Variants in NUDT9 observed in about 807,000 individuals in gnomAD.
The protein encoded by NUDT9 is ADP-ribose pyrophosphatase.
In NUDT9, 31 loss-of-function variants were observed where a neutral mutation model predicts 41.0. The observed-to-expected ratio is 0.76, with a 90% CI of 0.57 to 1.02. NUDT9 has a LOEUF of 1.02. NUDT9 is among the 50% of genes least tolerant of loss of function. The probability of loss-of-function intolerance (pLI) is 0.00; values close to 1 mark genes in which losing one functional copy is unlikely to be tolerated. For synonymous variants in NUDT9, 146 were observed against 147.6 expected, an observed-to-expected ratio of 0.99 and a Z score of 0.08; for missense variants, 380 against 431.4, an observed-to-expected ratio of 0.88 and a Z score of 1.06.
chr4:87,431,198 T>TGCC (rs1458110936), intron 1 of NUDT9, among the ~76,000 whole-genome samples: 2 of 152,242 alleles, frequency 1.3e-5, no homozygotes, highest in African/African-American at 4.8e-5. Context: ...TTGAAAAGAC[T>TGCC]GCCCTTTCCC....
chr4:87,422,625 G>C lies in NUDT9; in HGVS notation c.-281G>C, dbSNP rs972168315. 1 of 327,100 alleles carries C rather than the reference G, an allele frequency of 3.1e-6. No homozygotes were observed. The allele number at this position is 327,100 out of a possible 1,614,324, so 20.3% of individuals were successfully genotyped here. ...CAGAGAGAAAGTTACGAGGTTCGTG[G>C]CCGCGGTTTCCCCAGGCAGCTGGCG... On this transcript the variant is annotated 5_prime_UTR_variant, in exon 1 of 8. Transcript: ENST00000302174.
At chr4:87,451,834 TG>T in intron 6 of NUDT9, 99 bp downstream of exon 6, 3 of 922,290 alleles carry the variant, frequency 3.3e-6, no homozygotes, top group Non-Finnish European at 4.9e-6. Context: ...CTAAATAAAG[TG>T]GAATACTTGT....
rs1477941409 is a variant in NUDT9, at chr4:87,422,856, G to A, written c.-50G>A. The stretch of plus-strand genomic sequence containing the variant: ...GAGCTGTGGGGTGTGGGGAGGCGGA[G>A]GCACCAACTAAGAGCGACCTAGCAT... On this transcript the variant is annotated 5_prime_UTR_variant, in exon 1 of 8. Transcript: ENST00000302174. 2.1e-6 allele frequency: 3 copies of A among 1,449,030 alleles called. No homozygotes were observed. Among genetic ancestry groups the A allele is most frequent in the Non-Finnish European group, 1.9e-6 (2 of 1,048,648 alleles). 89.8% of individuals were successfully genotyped at this position (1,449,030 alleles called of 1,614,324 possible).
In NUDT9 at chr4:87,422,944, G is replaced by T; in HGVS notation, c.39G>T (p.Val13=). 1 of 1,612,596 alleles carries T rather than the reference G, an allele frequency of 6.2e-7. No individual in the cohort carries two copies. ...GRLLGKALAA[V]SLSLALASVT... ...TCCTGGGAAAGGCTTTAGCCGCGGT[G>T]TCTCTCTCTCTGGCCTTGGCCTCTG... is the stretch of plus-strand genomic sequence containing the variant. Residue 13 remains valine, a synonymous_variant, in exon 1 of 8, where the codon GTG becomes GTT. Coordinates refer to ENST00000302174, the MANE Select transcript of NUDT9 (RefSeq NM_024047.5).
chr4:87,422,667 C>T lies in NUDT9; in HGVS notation c.-239C>T. On this transcript the variant is annotated 5_prime_UTR_variant, in exon 1 of 8. Coordinates refer to ENST00000302174, the MANE Select transcript of NUDT9 (RefSeq NM_024047.5). ...CAGCTGGCGCTGGAGGCTTCGGCGT[C>T]ACGTGCTGGTCTGGATTTTTCTCGA... 1 of 382,390 alleles carries T rather than the reference C, an allele frequency of 2.6e-6. No homozygotes were observed. Among genetic ancestry groups the T allele is most frequent in the South Asian group, 9.1e-5 (1 of 10,966 alleles). 23.7% of individuals were successfully genotyped at this position (382,390 alleles called of 1,614,324 possible).
chr4:87,439,655 C>CA (rs1163916352), intron 3 of NUDT9, among the ~76,000 whole-genome samples: 1 of 151,818 alleles, frequency 6.6e-6, no homozygotes, highest in Non-Finnish European at 1.5e-5. Flanking sequence ...GACTCCATCT[C>CA]AAAAAAACAA....
intron 4 of NUDT9, among the ~76,000 whole-genome samples, chr4:87,447,387 G>A (rs1578076964): frequency 6.6e-6 from 1 of 151,980 alleles, no homozygotes; most frequent in African/African-American, 2.4e-5. Flanking sequence ...AAGGAAATTT[G>A]GAAACTCATA....
intron 6 of NUDT9, 77 bp downstream of exon 6, chr4:87,451,812 G>A: frequency 2.4e-6 from 3 of 1,236,446 alleles, no homozygotes; most frequent in Non-Finnish European, 3.4e-6. Context: ...CTGGAAATCT[G>A]TATGTCCTTC....
At chr4:87,427,330 G>T (rs551252746) in intron 1 of NUDT9, among the ~76,000 whole-genome samples, 12 of 152,214 alleles carry the variant, frequency 7.9e-5, no homozygotes, top group South Asian at 2.1e-4. Context: ...TTAAGAATTG[G>T]TTTTTGCCAT....
At chr4:87,439,717 C>G (rs771768997) in intron 3 of NUDT9, among the ~76,000 whole-genome samples, 2 of 152,102 alleles carry the variant, frequency 1.3e-5, no homozygotes, top group African/African-American at 4.8e-5. Context: ...ATCATGAGAA[C>G]AGCATGGAGA....
At chr4:87,455,168 T>C (rs980071805) in intron 7 of NUDT9, among the ~76,000 whole-genome samples, 1 of 152,246 alleles carries the variant, frequency 6.6e-6, no homozygotes, top group Admixed American at 6.5e-5. Context: ...CTGAGCTGTG[T>C]AACCTTGTAC....
intron 4 of NUDT9, among the ~76,000 whole-genome samples, chr4:87,445,155 T>C (rs1221055015): frequency 6.6e-6 from 1 of 152,204 alleles, no homozygotes; most frequent in Non-Finnish European, 1.5e-5. Context: ...GGTATTGATA[T>C]ATCTATTTTG....
intron 1 of NUDT9, among the ~76,000 whole-genome samples, chr4:87,431,127 G>C (rs994963808): frequency 6.6e-6 from 1 of 152,124 alleles, no homozygotes; most frequent in Non-Finnish European, 1.5e-5. Context: ...ATGGTGAAAG[G>C]TAAGGGTCAA....
chr4:87,445,788 T>C (rs1722418411), intron 4 of NUDT9, among the ~76,000 whole-genome samples: 1 of 152,238 alleles, frequency 6.6e-6, no homozygotes, highest in African/African-American at 2.4e-5. Flanking sequence ...AAATTGGTGA[T>C]AATGTATTTA....
intron 4 of NUDT9, among the ~76,000 whole-genome samples, chr4:87,447,726 C>A (rs1722523599): frequency 6.6e-6 from 1 of 151,644 alleles, no homozygotes; most frequent in African/African-American, 2.4e-5. Flanking sequence ...TTTTGTTTAT[C>A]AAATCAGAGG....
chr4:87,422,939 G>T lies in NUDT9; in HGVS notation c.34G>T (p.Ala12Ser), dbSNP rs781478791. 1 of 1,612,456 alleles carries T rather than the reference G, an allele frequency of 6.2e-7. No homozygotes were observed. Among genetic ancestry groups the T allele is most frequent in the South Asian group, 1.1e-5 (1 of 90,942 alleles). Residue 12 changes from alanine (A) to serine (S), a missense_variant, in exon 1 of 8, where the codon GCG becomes TCG. By Grantham distance (99) the Ala-to-Ser change is moderately conservative. Transcript: ENST00000302174. ...ACGCCTCCTGGGAAAGGCTTTAGCC[G>T]CGGTGTCTCTCTCTCTGGCCTTGGC... ...AGRLLGKALA[A>S]VSLSLALASV...
chr4:87,451,813 T>C, intron 6 of NUDT9, 78 bp downstream of exon 6: 1 of 1,217,140 alleles, frequency 8.2e-7, no homozygotes. Flanking sequence ...TGGAAATCTG[T>C]ATGTCCTTCT....
intron 4 of NUDT9, among the ~76,000 whole-genome samples, chr4:87,446,955 AC>A (rs981315623): frequency 2.6e-5 from 4 of 152,174 alleles, no homozygotes; most frequent in African/African-American, 9.7e-5. Context: ...CTCCAGACCA[AC>A]ATACATGCTT....
chr4:87,423,023 C>A lies in NUDT9; in HGVS notation c.107+11C>A, dbSNP rs1373958623. On this transcript the variant is annotated intron_variant, in intron 1 of 7. Coordinates refer to ENST00000302174, the MANE Select transcript of NUDT9 (RefSeq NM_024047.5). ...CATCCAGGCGTTCAGGTATTCCACC[C>A]TCCTACTACCGGCTCCTTTGCCCTA... 31 of 1,603,034 alleles carry A rather than the reference C, an allele frequency of 1.9e-5. No individual in the cohort carries two copies. The highest frequency in any genetic ancestry group is 2.4e-5 in the Non-Finnish European group (28 of 1,172,204).
Sources: allele counts gnomAD v4.1 joint callset (sites outside exome capture counted in the v4.1 genomes callset), GRCh38; gene constraint gnomAD v4.1.1; transcripts MANE v1.5; gene names NCBI Gene and HGNC (gene_info 2026-07-23, HGNC 2026-07-21).